ABCB11: variants seen among roughly 807,000 people sequenced by gnomAD.
ABCB11 encodes the protein bile salt export pump.
Under a neutral mutation model 148.0 loss-of-function variants are expected in ABCB11, and 95 were observed. The observed-to-expected ratio is 0.64, with a 90% CI of 0.54 to 0.76. The LOEUF (loss-of-function observed/expected upper bound fraction) is 0.76, where lower values mean the gene tolerates loss of function less well. Among genes scored for constraint, ABCB11 ranks in the 30% least tolerant of loss-of-function variants. The pLI is 0.00. For synonymous variants in ABCB11, 591 were observed against 555.4 expected (o/e 1.06, Z -0.90); for missense variants, 1,523 against 1,617.8 (o/e 0.94, Z 1.01).
chr2:168,972,861 A>G (rs1487760373), intron 13 of ABCB11, among the ~76,000 whole-genome samples: 1 of 152,024 alleles, frequency 6.6e-6, no homozygotes, highest in African/African-American at 2.4e-5. Context: ...TGACTTGGTC[A>G]TTTACCTGAT....
At chr2:168,984,721 A>G (rs568932543) in intron 10 of ABCB11, among the ~76,000 whole-genome samples, 2 of 152,262 alleles carry the variant, frequency 1.3e-5, no homozygotes, top group Admixed American at 1.3e-4. Context: ...ATAGCTATAA[A>G]GTGTTCAGTT....
At position 168,969,533 on chromosome 2, in the gene ABCB11, T is replaced by C. The variant is rs200185768; in HGVS notation, c.1828A>G (p.Ile610Val). Residue 610 changes from isoleucine to valine, a missense_variant, in exon 16 of 28, where the codon ATC (isoleucine) becomes GTC (valine). By Grantham distance (29) the Ile-to-Val change is conservative. Coordinates refer to ENST00000650372, the MANE Select transcript of ABCB11 (RefSeq NM_003742.4). ...VLSKIQHGHT[I>V]ISVAHRLSTV... ...GACAAGCGATGAGCAACTGAAATGATTGTGTGCCCATGCTGAATCTGTAAG... is the reference window on the plus strand; with the variant it reads ...GACAAGCGATGAGCAACTGAAATGACTGTGTGCCCATGCTGAATCTGTAAG... 5 of 1,612,324 alleles carry C rather than the reference T, an allele frequency of 3.1e-6. No individual in the cohort carries two copies. The highest frequency in any genetic ancestry group is 4.2e-6 in the Non-Finnish European group (5 of 1,179,036).
intron 5 of ABCB11, among the ~76,000 whole-genome samples, chr2:169,011,734 C>A (rs1695195269): frequency 6.6e-6 from 1 of 152,102 alleles, no homozygotes; most frequent in Non-Finnish European, 1.5e-5. Flanking sequence ...TAATCACAGC[C>A]AACTGCAGCC....
chr2:168,995,844 A>G (rs1694695777), intron 6 of ABCB11, among the ~76,000 whole-genome samples: 1 of 151,946 alleles, frequency 6.6e-6, no homozygotes, highest in Non-Finnish European at 1.5e-5. Flanking sequence ...GCCATTTCTG[A>G]GTGAATTTCC....
At position 168,993,826 on chromosome 2, in the gene ABCB11, C is replaced by T. The variant is rs773088249; in HGVS notation, c.668G>A (p.Arg223His). The T allele has an allele frequency of 2.7e-5, 44 of 1,611,100 alleles. No individual in the cohort carries two copies. Among genetic ancestry groups the T allele is most frequent in the Admixed American group, 1.0e-4 (6 of 59,678 alleles). Residue 223 changes from arginine (R) to histidine (H), a missense_variant, in exon 8 of 28, where the codon CGC (arginine) becomes CAC (histidine). By Grantham distance (29) the Arg-to-His change is conservative. Transcript: ENST00000650372. The part of the protein sequence containing the change: ...IADQMALFIQ[R>H]MTSTICGFLL... ...GAAACCACAGATGGTCGAGGTCATG[C>T]GCTGAATGAAAAGGGCCATTTGGTC...
At chr2:168,973,548 C>G (rs1194215197) in intron 13 of ABCB11, among the ~76,000 whole-genome samples, 167 bp downstream of exon 13, 1 of 152,046 alleles carries the variant, frequency 6.6e-6, no homozygotes, top group South Asian at 2.1e-4. Context: ...TCACTGAACA[C>G]TGTTACCATG....
At chr2:168,995,747 C>T (rs1334864392) in intron 6 of ABCB11, among the ~76,000 whole-genome samples, 1 of 151,794 alleles carries the variant, frequency 6.6e-6, no homozygotes, top group African/African-American at 2.4e-5. Context: ...GGACTTTACC[C>T]TACAGAGCTT....
rs375098674 is a variant in ABCB11 at position 168,957,976 on chromosome 2, G to A, written c.2331C>T (p.Ser777=). ...GCTGTGTACTTACCCCAAGAATCTG[G>A]CTGAATAAAAAGGCATACAAGGGTG... The part of the protein sequence containing the change: ...TVTPLYAFLF[S]QILGTFSIPD... The change falls in exon 19 of 28, where the codon AGC becomes AGT. Residue 777 remains serine, a synonymous_variant. Coordinates refer to ENST00000650372, the MANE Select transcript of ABCB11 (RefSeq NM_003742.4). The A allele has an allele frequency of 8.9e-6, 14 of 1,578,332 alleles. No individual in the cohort carries two copies. Among genetic ancestry groups the A allele is most frequent in the Non-Finnish European group, 1.2e-5 (14 of 1,153,356 alleles).
At chr2:169,012,459 A>C (rs1695215107) in intron 5 of ABCB11, among the ~76,000 whole-genome samples, 1 of 152,116 alleles carries the variant, frequency 6.6e-6, no homozygotes, top group South Asian at 2.1e-4. Context: ...GCCTCTGATC[A>C]CAGCACTGCC....
At chr2:168,989,091 T>A (rs1157493536) in intron 9 of ABCB11, among the ~76,000 whole-genome samples, 1 of 152,134 alleles carries the variant, frequency 6.6e-6, no homozygotes, top group Admixed American at 6.6e-5. Flanking sequence ...GCCTCTTCAC[T>A]CTGTTGATTG....
downstream of ABCB11, among the ~76,000 whole-genome samples, chr2:168,917,210 C>A (rs79303873): frequency 4.1e-5 from 6 of 145,760 alleles, no homozygotes. Flanking sequence ...GACAAAAAAA[C>A]TAGAGGCCAA....
chr2:169,010,727 T>A (rs1695156335), intron 5 of ABCB11, among the ~76,000 whole-genome samples: 1 of 152,146 alleles, frequency 6.6e-6, no homozygotes. Flanking sequence ...ATCGCGGTGA[T>A]CTTACCATAA....
chr2:168,971,447 G>A (rs1366120505), intron 14 of ABCB11, among the ~76,000 whole-genome samples: 1 of 152,018 alleles, frequency 6.6e-6, no homozygotes, highest in Non-Finnish European at 1.5e-5. Context: ...CTAAGCACAA[G>A]AAAATTATGA....
chr2:169,029,728 T>A (rs1223477722), intron 1 of ABCB11, among the ~76,000 whole-genome samples: 2 of 51,376 alleles, frequency 3.9e-5, no homozygotes, highest in African/African-American at 1.2e-4. Flanking sequence ...TTTCCTCTTT[T>A]TTTTTTTTTT....
chr2:169,019,785 T>C (rs1012800660), intron 1 of ABCB11, among the ~76,000 whole-genome samples: 7 of 152,108 alleles, frequency 4.6e-5, no homozygotes, highest in African/African-American at 9.7e-5. Flanking sequence ...TCATCAGCAA[T>C]AGAGGCTAGA....
intron 21 of ABCB11, among the ~76,000 whole-genome samples, chr2:168,939,106 G>A (rs1459454804): frequency 1.3e-5 from 2 of 151,836 alleles, no homozygotes; most frequent in Non-Finnish European, 2.9e-5. Context: ...TATTTGGGTA[G>A]TTTCCAGGGA....
intron 19 of ABCB11, among the ~76,000 whole-genome samples, chr2:168,950,140 T>TATAC (rs1169806270): frequency 6.2e-5 from 9 of 144,038 alleles, no homozygotes; most frequent in Non-Finnish European, 1.1e-4. Flanking sequence ...TATATATATA[T>TATAC]ACACACACAC....
intron 11 of ABCB11, among the ~76,000 whole-genome samples, chr2:168,977,771 G>A (rs1053804954): frequency 6.6e-6 from 1 of 152,162 alleles, no homozygotes; most frequent in Non-Finnish European, 1.5e-5. Flanking sequence ...GCAGGAGAGA[G>A]CGCATAGGGG....
intron 18 of ABCB11, among the ~76,000 whole-genome samples, chr2:168,962,927 G>A (rs1249593190): frequency 1.3e-5 from 2 of 151,678 alleles, no homozygotes. Flanking sequence ...TTTAAAGCCT[G>A]TGTTAGAAAT....
Sources: gnomAD v4.1 joint callset for allele counts (sites outside exome capture counted in the v4.1 genomes callset) on GRCh38, gnomAD v4.1.1 for gene constraint, MANE v1.5 for transcripts, NCBI Gene and HGNC (gene_info 2026-07-23, HGNC 2026-07-21) for gene names.